RABGAP1L: variants seen among roughly 807,000 people sequenced by gnomAD.
RABGAP1L encodes rab GTPase-activating protein 1-like.
Under a neutral mutation model 137.7 loss-of-function variants are expected in RABGAP1L, and 63 were observed. That is an observed-to-expected ratio of 0.46 (90% confidence interval 0.37 to 0.56). The LOEUF (loss-of-function observed/expected upper bound fraction) is 0.56. RABGAP1L is among the 20% of genes least tolerant of loss of function. The probability of loss-of-function intolerance (pLI) is 0.00; values close to 1 mark genes in which losing one functional copy is unlikely to be tolerated. For missense variants in RABGAP1L, 1,095 were observed against 1,244.0 expected, an observed-to-expected ratio of 0.88 and a Z score of 1.80; for synonymous variants, 431 against 433.7, an observed-to-expected ratio of 0.99 and a Z score of 0.08.
intron 14 of RABGAP1L, among the ~76,000 whole-genome samples, chr1:174,658,630 T>G (rs1383644180): frequency 6.6e-6 from 1 of 152,100 alleles, no homozygotes. Flanking sequence ...CCTCCTTATC[T>G]TGTCATACAT....
chr1:174,920,787 A>AT (rs921819608), intron 19 of RABGAP1L, among the ~76,000 whole-genome samples: 8 of 152,190 alleles, frequency 5.3e-5, no homozygotes, highest in Admixed American at 5.2e-4. Context: ...CAGGGAGAAG[A>AT]TGGCCATCTA....
Position 174,225,494 on chromosome 1 carries a change from C to CTTTT in RABGAP1L, c.331+4348_331+4351dup, listed in dbSNP as rs59323156. ...GTTAAAATCCTCTGAAGAATGTTGA[C>CTTTT]TTTTTTTTTTTTTTTTTTTTTAAAG... On this transcript the variant is annotated intron_variant, in intron 3 of 25. Transcript: ENST00000681986. Among the ~76,000 whole-genome samples the CTTTT allele has an allele frequency of 2.9e-4, 31 of 105,696 alleles. 1 individual carries two copies. Among genetic ancestry groups the CTTTT allele is most frequent in the African/African-American group, 7.6e-4 (22 of 28,834 alleles). 69.3% of individuals were successfully genotyped at this position (105,696 alleles called of 152,430 possible).
intron 13 of RABGAP1L, among the ~76,000 whole-genome samples, chr1:174,492,176 C>CTTT (rs756360090): frequency 1.9e-4 from 23 of 119,984 alleles, no homozygotes; most frequent in South Asian, 5.5e-4. Flanking sequence ...TGTCGAATTA[C>CTTT]TTTTTTTTTT....
At chr1:174,240,940 G>GTGTT (rs1671761928) in intron 4 of RABGAP1L, among the ~76,000 whole-genome samples, 3 of 32,630 alleles carry the variant, frequency 9.2e-5, no homozygotes, top group Non-Finnish European at 1.4e-4. Context: ...GTGTGTGTTT[G>GTGTT]TGTGTGTGTG....
chr1:174,175,962 A>G (rs966847873), intron 1 of RABGAP1L, among the ~76,000 whole-genome samples: 4 of 152,126 alleles, frequency 2.6e-5, no homozygotes, highest in African/African-American at 9.7e-5. Flanking sequence ...TGTATTACTA[A>G]CAGTTTAGCG....
chr1:174,653,406 G>C (rs1197869616), intron 14 of RABGAP1L, among the ~76,000 whole-genome samples: 1 of 152,170 alleles, frequency 6.6e-6, no homozygotes, highest in Non-Finnish European at 1.5e-5. Context: ...TTGAAACCCA[G>C]GGCCTTGGTG....
At chr1:174,299,451 A>G (rs1018344389) in intron 10 of RABGAP1L, among the ~76,000 whole-genome samples, 7 of 152,184 alleles carry the variant, frequency 4.6e-5, no homozygotes, top group Non-Finnish European at 1.0e-4. Context: ...GCCTCAGTAA[A>G]ATAACCACTT....
intron 17 of RABGAP1L, among the ~76,000 whole-genome samples, chr1:174,726,014 CAAACA>C (rs1681954756): frequency 6.6e-6 from 1 of 151,878 alleles, no homozygotes; most frequent in African/African-American, 2.4e-5. Context: ...TTAAAACAAA[CAAACA>C]AAAGAATTGC....
Position 174,933,997 on chromosome 1 carries a change from A to G in RABGAP1L, c.2341-23460A>G, listed in dbSNP as rs188324114. Reference sequence around the variant, plus strand: ...TTTTTGGTATAGAAACATTTTAATTAAAGCCTTACAGTTAATAAATATTTA... The same window carrying G: ...TTTTTGGTATAGAAACATTTTAATTGAAGCCTTACAGTTAATAAATATTTA... On this transcript the variant is annotated intron_variant, in intron 19 of 25. Coordinates refer to ENST00000681986, the MANE Select transcript of RABGAP1L (RefSeq NM_001366446.1). Among the ~76,000 whole-genome samples the G allele has an allele frequency of 6.8e-4, 104 of 152,382 alleles. 1 individual carries two copies. The highest frequency in any genetic ancestry group is 2.3e-3 in the African/African-American group (96 of 41,598).
At chr1:174,837,487 C>T (rs1692890562) in intron 19 of RABGAP1L, among the ~76,000 whole-genome samples, 1 of 152,134 alleles carries the variant, frequency 6.6e-6, no homozygotes, top group Non-Finnish European at 1.5e-5. Context: ...AAGAATTGGG[C>T]AAATCTCACA....
intron 13 of RABGAP1L, among the ~76,000 whole-genome samples, chr1:174,562,109 G>C (rs1160712082): frequency 6.6e-6 from 1 of 152,128 alleles, no homozygotes; most frequent in South Asian, 2.1e-4. Context: ...CTATCCATCT[G>C]ACAAAGGGCT....
intron 14 of RABGAP1L, among the ~76,000 whole-genome samples, chr1:174,645,586 A>G (rs1205199501): frequency 6.6e-6 from 1 of 152,100 alleles, no homozygotes. Context: ...TCCATGGTGT[A>G]TATGTGCCAC....
At chr1:174,686,868 C>T (rs1304217268) in intron 15 of RABGAP1L, among the ~76,000 whole-genome samples, 1 of 151,554 alleles carries the variant, frequency 6.6e-6, no homozygotes, top group African/African-American at 2.4e-5. Context: ...ACCATGTTAG[C>T]CAGGCTGGTC....
chr1:174,943,040 G>A (rs1237515097), intron 19 of RABGAP1L, among the ~76,000 whole-genome samples: 1 of 152,140 alleles, frequency 6.6e-6, no homozygotes, highest in Non-Finnish European at 1.5e-5. Flanking sequence ...ATGAACCTCT[G>A]TGAGGTTGGT....
At chr1:174,725,400 A>G (rs1313919812) in intron 17 of RABGAP1L, among the ~76,000 whole-genome samples, 1 of 152,206 alleles carries the variant, frequency 6.6e-6, no homozygotes, top group Non-Finnish European at 1.5e-5. Context: ...AAAGAGGAAT[A>G]TATTGCAGGG....
intron 12 of RABGAP1L, among the ~76,000 whole-genome samples, chr1:174,376,874 A>C (rs867264610): frequency 6.6e-6 from 1 of 152,178 alleles, no homozygotes; most frequent in Admixed American, 6.5e-5. Flanking sequence ...AAAAAGAAAT[A>C]AAAGGCAAAC....
chr1:174,479,030 G>A (rs1571985378), intron 13 of RABGAP1L, among the ~76,000 whole-genome samples: 1 of 152,310 alleles, frequency 6.6e-6, no homozygotes, highest in East Asian at 1.9e-4. Flanking sequence ...CTGTTTGACC[G>A]ATGTAAAATC....
rs750287112 is a variant in RABGAP1L, at chr1:174,278,628, T to G, written c.1172T>G (p.Met391Arg). 1 of 1,612,406 alleles carries G rather than the reference T, an allele frequency of 6.2e-7. No individual in the cohort carries two copies. Among genetic ancestry groups the G allele is most frequent in the Non-Finnish European group, 8.5e-7 (1 of 1,179,302 alleles). ...TCTACTACAGATAAGCAAGTATACATGACTGTGGCAGTGGATATGGTAGTC... is the reference window on the plus strand; with the variant it reads ...TCTACTACAGATAAGCAAGTATACAGGACTGTGGCAGTGGATATGGTAGTC... The part of the protein sequence containing the change: ...EETPKDKQVY[M>R]TVAVDMVVTE... Residue 391 changes from methionine (M) to arginine (R), a missense_variant, in exon 10 of 26, where the codon ATG (methionine) becomes AGG (arginine). This residue lies in a region of RABGAP1L where 112 missense variants were observed against 157.3 expected (regional missense o/e 0.71). Coordinates refer to ENST00000681986, the MANE Select transcript of RABGAP1L (RefSeq NM_001366446.1).
At chr1:174,718,719 G>A (rs943919555) in intron 17 of RABGAP1L, among the ~76,000 whole-genome samples, 4 of 152,150 alleles carry the variant, frequency 2.6e-5, no homozygotes, top group African/African-American at 9.7e-5. Context: ...TCCATGGGAA[G>A]GAGAGGAGAG....
Sources: allele counts gnomAD v4.1 joint callset (sites outside exome capture counted in the v4.1 genomes callset), GRCh38; gene constraint gnomAD v4.1.1; regional missense constraint gnomAD v4.1.1; transcripts MANE v1.5; gene names NCBI Gene and HGNC (gene_info 2026-07-23, HGNC 2026-07-21).